Variants in DLGAP1 observed in about 807,000 individuals in gnomAD.
The protein encoded by DLGAP1 is DLG associated protein 1, also known as disks large-associated protein 1.
In DLGAP1, 11 loss-of-function variants were observed where a neutral mutation model predicts 90.8. The observed-to-expected ratio is 0.12, with a 90% confidence interval of 0.08 to 0.20. The LOEUF is 0.20. DLGAP1 is among the 10% of genes least tolerant of loss of function. The probability of loss-of-function intolerance (pLI) is 1.00; values close to 1 mark genes in which losing one functional copy is unlikely to be tolerated. For missense variants in DLGAP1, 1,050 were observed against 1,333.8 expected, an observed-to-expected ratio of 0.79 and a Z score of 3.31; for synonymous variants, 558 against 540.7, an observed-to-expected ratio of 1.03 and a Z score of -0.44.
intron 4 of DLGAP1, among the ~76,000 whole-genome samples, chr18:3,868,422 C>G (rs1223008622): frequency 6.6e-6 from 1 of 152,102 alleles, no homozygotes; most frequent in Non-Finnish European, 1.5e-5. Context: ...GCCTCTCTCC[C>G]TACTTATTTA....
intron 2 of DLGAP1, among the ~76,000 whole-genome samples, chr18:4,019,249 T>A (rs1386868915): frequency 6.6e-6 from 1 of 152,146 alleles, no homozygotes; most frequent in African/African-American, 2.4e-5. Flanking sequence ...CCTTACTTTA[T>A]AAAGTTATAT....
At chr18:4,417,433 G>A (rs2082924873) in intron 1 of DLGAP1, among the ~76,000 whole-genome samples, 1 of 152,050 alleles carries the variant, frequency 6.6e-6, no homozygotes, top group Non-Finnish European at 1.5e-5. Flanking sequence ...TTCAATAATT[G>A]TTGAGTGTAA....
rs74800689 is a variant in DLGAP1 at position 4,454,343 on chromosome 18, C to T, written c.-267+663G>A. On this transcript the variant is annotated intron_variant, in intron 1 of 12. Coordinates refer to ENST00000315677, the MANE Select transcript of DLGAP1 (RefSeq NM_004746.4). This position sits in a 1 kb window ranked among gnomAD's most constrained non-coding sequence, Gnocchi z 4.7. ...TCTCCCGGCCCGCCCCGCGATTCTCCGGGAATTGGCCTTGGCCGCGGGCAG... is the reference window on the plus strand; with the variant it reads ...TCTCCCGGCCCGCCCCGCGATTCTCTGGGAATTGGCCTTGGCCGCGGGCAG... Among the ~76,000 whole-genome samples the T allele has an allele frequency of 0.011, 1,750 of 152,254 alleles. 39 individuals carry two copies. The highest frequency in any genetic ancestry group is 0.04 in the African/African-American group (1,642 of 41,558).
intron 1 of DLGAP1, among the ~76,000 whole-genome samples, chr18:4,223,770 T>C (rs547402193): frequency 1.3e-5 from 2 of 152,188 alleles, no homozygotes. Context: ...CAGAATCCAC[T>C]ACTATAACAT....
chr18:4,102,722 T>C (rs750186808), intron 2 of DLGAP1, among the ~76,000 whole-genome samples: 3 of 152,234 alleles, frequency 2.0e-5, no homozygotes, highest in African/African-American at 4.8e-5. Flanking sequence ...TTCTGTTACT[T>C]ATAGCTGAAA....
rs1214422064 is a variant in DLGAP1 at position 4,163,276 on chromosome 18, GC to G, written c.-266-11990del. 5.3e-5 allele frequency among the ~76,000 whole-genome samples: 8 copies of G among 152,148 alleles called. 1 individual carries two copies. Among genetic ancestry groups the G allele is most frequent in the Admixed American group, 1.3e-4 (2 of 15,268 alleles). On this transcript the variant is annotated intron_variant, in intron 1 of 12. Coordinates refer to ENST00000315677, the MANE Select transcript of DLGAP1 (RefSeq NM_004746.4). ...ATTCCTTATTCACTACTTTGGAAGG[GC>G]AATTATACACAACTTTACATTCAGA...
At position 4,383,601 on chromosome 18, in the gene DLGAP1, T is replaced by C. The variant is rs577538525; in HGVS notation, c.-267+71405A>G. ...TCCTTGCTCATTAAAAAAAAAGGGA[T>C]GTTTACCTATGAGAATCAAGTAGAA... is the stretch of plus-strand genomic sequence containing the variant. On this transcript the variant is annotated intron_variant, in intron 1 of 12. Coordinates refer to ENST00000315677, the MANE Select transcript of DLGAP1 (RefSeq NM_004746.4). This position sits in a 1 kb window ranked among gnomAD's most constrained non-coding sequence, Gnocchi z 4.0. Among the ~76,000 whole-genome samples the C allele has an allele frequency of 3.8e-4, 58 of 151,978 alleles. No individual in the cohort carries two copies. The South Asian group carries it at 0.012, about 30-fold the overall frequency.
intron 7 of DLGAP1, among the ~76,000 whole-genome samples, chr18:3,588,797 A>G (rs1444645508): frequency 1.3e-5 from 2 of 151,692 alleles, no homozygotes; most frequent in Non-Finnish European, 2.9e-5. Flanking sequence ...AAAAAAAGAA[A>G]AAAGAAAGAA....
chr18:3,986,810 T>C (rs1489242610), intron 3 of DLGAP1, among the ~76,000 whole-genome samples: 1 of 152,214 alleles, frequency 6.6e-6, no homozygotes, highest in Non-Finnish European at 1.5e-5. Flanking sequence ...GTTACCCATC[T>C]GGTATGATTG....
chr18:3,799,348 G>C lies in DLGAP1; in HGVS notation c.1172+14711C>G, dbSNP rs188865441. 6.0e-3 allele frequency among the ~76,000 whole-genome samples: 909 copies of C among 152,238 alleles called. 7 individuals carry two copies. The highest frequency in any genetic ancestry group is 6.8e-3 in the Non-Finnish European group (460 of 68,006). The stretch of plus-strand genomic sequence containing the variant: ...GCATGGGTGCTACCAGAAAGGGAGA[G>C]GGAAGAAGAGGAGTGTGGCTAAGGC... On this transcript the variant is annotated intron_variant, in intron 5 of 12. Transcript: ENST00000315677.
At chr18:3,661,666 T>G (rs1403954280) in intron 7 of DLGAP1, among the ~76,000 whole-genome samples, 2 of 146,394 alleles carry the variant, frequency 1.4e-5, no homozygotes, top group African/African-American at 2.5e-5. Flanking sequence ...AACCTCCGCC[T>G]CCTGGGTTCA....
chr18:4,042,828 A>G (rs1359244670), intron 2 of DLGAP1, among the ~76,000 whole-genome samples: 1 of 152,226 alleles, frequency 6.6e-6, no homozygotes, highest in Non-Finnish European at 1.5e-5. Flanking sequence ...AATTTTTAAT[A>G]GTTTCCGTAT....
intron 4 of DLGAP1, among the ~76,000 whole-genome samples, chr18:3,833,130 ATTCCTTCCTTCCTTCC>A: frequency 9.3e-6 from 1 of 107,482 alleles, no homozygotes; most frequent in South Asian, 3.3e-4. Flanking sequence ...GAATTATAAG[ATTCCTTCCTTCCTTCC>A]TTCCTTCCTT....
intron 7 of DLGAP1, among the ~76,000 whole-genome samples, chr18:3,631,992 C>T (rs1053956696): frequency 6.6e-6 from 1 of 152,060 alleles, no homozygotes; most frequent in Non-Finnish European, 1.5e-5. Flanking sequence ...CCCAAGCTGG[C>T]CTCCAACTCC....
At chr18:3,844,631 A>G (rs1397231334) in intron 4 of DLGAP1, among the ~76,000 whole-genome samples, 1 of 152,200 alleles carries the variant, frequency 6.6e-6, no homozygotes, top group Non-Finnish European at 1.5e-5. Flanking sequence ...ATGGTGAATC[A>G]AAAAAGTAAT....
intron 5 of DLGAP1, 89 bp downstream of exon 5, chr18:3,813,970 C>A (rs909239732): frequency 3.0e-6 from 4 of 1,316,578 alleles, no homozygotes; most frequent in Admixed American, 1.7e-5. Flanking sequence ...GATGTTTCTG[C>A]CCCACTTACT....
chr18:4,347,482 T>C (rs1369380739), intron 1 of DLGAP1, among the ~76,000 whole-genome samples: 3 of 152,056 alleles, frequency 2.0e-5, no homozygotes, highest in Non-Finnish European at 4.4e-5. Context: ...TTATATATCA[T>C]ATTAAGAAAA....
At chr18:4,375,669 TC>T (rs1229659730) in intron 1 of DLGAP1, among the ~76,000 whole-genome samples, 4 of 152,168 alleles carry the variant, frequency 2.6e-5, no homozygotes, top group African/African-American at 9.6e-5. Flanking sequence ...TTCACTCTCA[TC>T]ACTGTGAGTT....
rs2069074951 is a variant in DLGAP1, at chr18:3,847,327, A to AC, written c.957+31784dup. On this transcript the variant is annotated intron_variant, in intron 4 of 12. Coordinates refer to ENST00000315677, the MANE Select transcript of DLGAP1 (RefSeq NM_004746.4). ...GAGAGGTTGGGGAAGAGAAAGGATG[A>AC]CCCCAAATGTGGGATGCTCTTGAAG... 2.6e-5 allele frequency among the ~76,000 whole-genome samples: 4 copies of AC among 152,258 alleles called. No individual in the cohort carries two copies. The South Asian group carries it at 8.3e-4, about 32-fold the overall frequency.
Sources: gnomAD v4.1 joint callset for allele counts (sites outside exome capture counted in the v4.1 genomes callset) on GRCh38, gnomAD v4.1.1 for gene constraint, Gnocchi (gnomAD v3.1) non-coding constraint, MANE v1.5 for transcripts, NCBI Gene and HGNC (gene_info 2026-07-23, HGNC 2026-07-21) for gene names.